TAFA1: variants seen among roughly 807,000 people sequenced by gnomAD.
TAFA1 encodes chemokine-like protein TAFA-1.
In TAFA1, 4 loss-of-function variants were observed where a neutral mutation model predicts 18.5. The observed-to-expected ratio is 0.22, with a 90% CI of 0.11 to 0.49. The LOEUF (loss-of-function observed/expected upper bound fraction) is 0.49, where lower values mean the gene tolerates loss of function less well. TAFA1 is among the 20% of genes least tolerant of loss of function. The pLI, the probability that TAFA1 is intolerant of heterozygous loss-of-function variation, is 0.98. For missense variants in TAFA1, 147 were observed against 169.0 expected, an observed-to-expected ratio of 0.87 and a Z score of 0.72; for synonymous variants, 56 against 55.2, an observed-to-expected ratio of 1.01 and a Z score of -0.06.
chr3:68,511,848 G>C (rs2072851174), intron 3 of TAFA1, among the ~76,000 whole-genome samples: 2 of 151,876 alleles, frequency 1.3e-5, no homozygotes, highest in African/African-American at 4.8e-5. Context: ...TATTTAATTA[G>C]ATACTTGTTG....
chr3:68,177,383 A>G (rs6771439), intron 2 of TAFA1, among the ~76,000 whole-genome samples: 145,369 of 152,238 alleles, frequency 0.95, 69,435 homozygotes, highest in South Asian at 0.97. Context: ...ATGGCTAAAG[A>G]GAAAACCTCA....
chr3:68,196,054 G>C (rs1396622133), intron 2 of TAFA1, among the ~76,000 whole-genome samples: 2 of 151,726 alleles, frequency 1.3e-5, no homozygotes, highest in African/African-American at 2.4e-5. Flanking sequence ...ATGGGCCACA[G>C]ATCACAAAGC....
At chr3:68,342,793 C>T (rs1032084220) in intron 2 of TAFA1, among the ~76,000 whole-genome samples, 2 of 152,136 alleles carry the variant, frequency 1.3e-5, no homozygotes, top group African/African-American at 4.8e-5. Context: ...TTGTGCTTAG[C>T]GAGTTAGGCG....
At chr3:68,294,203 C>T (rs541853541) in intron 2 of TAFA1, among the ~76,000 whole-genome samples, 2 of 152,124 alleles carry the variant, frequency 1.3e-5, no homozygotes, top group African/African-American at 2.4e-5. Context: ...ATCGAAAGGA[C>T]AGTGTAATTC....
intron 2 of TAFA1, among the ~76,000 whole-genome samples, chr3:68,277,780 C>A (rs1438474038): frequency 6.6e-6 from 1 of 152,098 alleles, no homozygotes; most frequent in East Asian, 1.9e-4. Context: ...GAGATACGCA[C>A]AAAAGCATTG....
At chr3:68,360,468 A>G (rs1004720055) in intron 2 of TAFA1, among the ~76,000 whole-genome samples, 1 of 151,894 alleles carries the variant, frequency 6.6e-6, no homozygotes, top group Non-Finnish European at 1.5e-5. Context: ...TCTTCACCCG[A>G]TATTTAGAGA....
chr3:68,461,282 AAAACAAACAAAC>A (rs3037407), intron 3 of TAFA1, among the ~76,000 whole-genome samples: 8 of 140,148 alleles, frequency 5.7e-5, no homozygotes, highest in East Asian at 2.2e-4. Flanking sequence ...ACTCTGCCAA[AAAACAAACAAAC>A]AAACAAACAA....
chr3:68,297,828 C>CT (rs1405542598), intron 2 of TAFA1, among the ~76,000 whole-genome samples: 2 of 150,818 alleles, frequency 1.3e-5, no homozygotes, highest in Non-Finnish European at 3.0e-5. Context: ...GTGAAATTTT[C>CT]TTTGTAAGTT....
chr3:68,307,791 A>C (rs975938784), intron 2 of TAFA1, among the ~76,000 whole-genome samples: 1 of 151,828 alleles, frequency 6.6e-6, no homozygotes, highest in East Asian at 2.0e-4. Context: ...AGAACTAGAA[A>C]GACATAAGGG....
chr3:68,072,971 C>T lies in TAFA1; in HGVS notation c.118+66227C>T, dbSNP rs7639118. ...TTAGTTTGTTAGAATACAAAGAACT[C>T]CAATGAAATTTACCTAAAAAGGAAG... On this transcript the variant is annotated intron_variant, in intron 2 of 4. Transcript: ENST00000478136. 4.4e-3 allele frequency among the ~76,000 whole-genome samples: 676 copies of T among 152,224 alleles called. 2 individuals carry two copies. Among genetic ancestry groups the T allele is most frequent in the African/African-American group, 0.016 (647 of 41,498 alleles).
intron 3 of TAFA1, among the ~76,000 whole-genome samples, chr3:68,525,654 T>C (rs186101745): frequency 3.0e-4 from 46 of 152,286 alleles, no homozygotes; most frequent in Non-Finnish European, 4.0e-4. Context: ...ACTATCAAAT[T>C]ATTTTGCCAT....
chr3:68,164,662 G>GTGTGTGT (rs1461518869), intron 2 of TAFA1, among the ~76,000 whole-genome samples: 3,165 of 47,720 alleles, frequency 0.066, 57 homozygotes, highest in Middle Eastern at 0.18. Flanking sequence ...TGTGTGTGTG[G>GTGTGTGT]GAGGTAGTTA....
At chr3:68,171,400 A>T (rs1487153883) in intron 2 of TAFA1, among the ~76,000 whole-genome samples, 1 of 152,234 alleles carries the variant, frequency 6.6e-6, no homozygotes, top group Non-Finnish European at 1.5e-5. Context: ...TTTTAGACTT[A>T]TAACCAGCAG....
Position 68,146,831 on chromosome 3 carries a change from C to G in TAFA1, c.118+140087C>G, listed in dbSNP as rs142689948. Reference sequence around the variant, plus strand: ...ACAGCTAAAATAGCTCATCTAATAACATTGTTTATTAGATGCTAAAGGTGA... The same window carrying G: ...ACAGCTAAAATAGCTCATCTAATAAGATTGTTTATTAGATGCTAAAGGTGA... On this transcript the variant is annotated intron_variant, in intron 2 of 4. Transcript: ENST00000478136. Among the ~76,000 whole-genome samples, 257 of 152,230 alleles carry G rather than the reference C, an allele frequency of 1.7e-3. 2 individuals are homozygous for G. Among genetic ancestry groups the G allele is most frequent in the African/African-American group, 5.4e-3 (224 of 41,558 alleles).
At chr3:68,230,188 T>C (rs1160693719) in intron 2 of TAFA1, among the ~76,000 whole-genome samples, 2 of 152,198 alleles carry the variant, frequency 1.3e-5, no homozygotes, top group Non-Finnish European at 2.9e-5. Context: ...AGTCACTCTA[T>C]GTGCTACCAA....
At chr3:68,017,225 T>G (rs78045788) in intron 2 of TAFA1, among the ~76,000 whole-genome samples, 2,708 of 152,344 alleles carry the variant, frequency 0.018, 31 homozygotes, top group Non-Finnish European at 0.026. Flanking sequence ...TTTTGTAGCT[T>G]TTTACATCTC....
At chr3:68,058,985 T>C (rs1357256366) in intron 2 of TAFA1, among the ~76,000 whole-genome samples, 1 of 152,140 alleles carries the variant, frequency 6.6e-6, no homozygotes, top group Admixed American at 6.5e-5. Context: ...TTTGCTATTA[T>C]ATATAAAATT....
chr3:68,314,857 T>C (rs2068581584), intron 2 of TAFA1, among the ~76,000 whole-genome samples: 1 of 151,264 alleles, frequency 6.6e-6, no homozygotes, highest in South Asian at 2.1e-4. Context: ...AGCTAAAGAT[T>C]GACTTACCAT....
chr3:68,008,140 C>T (rs1704400980), intron 2 of TAFA1, among the ~76,000 whole-genome samples: 1 of 152,202 alleles, frequency 6.6e-6, no homozygotes. Flanking sequence ...GGCGCTGGTG[C>T]CCCTGCAGGT....
Sources: gnomAD v4.1 joint callset for allele counts (sites outside exome capture counted in the v4.1 genomes callset) on GRCh38, gnomAD v4.1.1 for gene constraint, MANE v1.5 for transcripts, NCBI Gene and HGNC (gene_info 2026-07-23, HGNC 2026-07-21) for gene names.